The following IER3IP1 variants were observed in gnomAD, a reference collection of about 807,000 sequenced individuals.
The protein encoded by IER3IP1 is immediate early response 3 interacting protein 1, also known as immediate early response 3-interacting protein 1.
IER3IP1 carries 16 observed loss-of-function variants against 12.2 expected under a neutral mutation model. That is an observed-to-expected ratio of 1.31 (90% CI 0.89 to 1.99). The LOEUF (loss-of-function observed/expected upper bound fraction) is 1.99. Ranked by LOEUF, IER3IP1 falls within the 30% of genes most tolerant of loss-of-function variation. The pLI is 0.00. For synonymous variants in IER3IP1, 42 were observed against 40.0 expected, an observed-to-expected ratio of 1.05 and a Z score of -0.19; for missense variants, 95 against 95.8, an observed-to-expected ratio of 0.99 and a Z score of 0.03.
At chr18:47,164,063 T>G (rs1357484545) in intron 1 of IER3IP1, among the ~76,000 whole-genome samples, 1 of 152,164 alleles carries the variant, frequency 6.6e-6, no homozygotes, top group Non-Finnish European at 1.5e-5. Flanking sequence ...CAGCAATCTT[T>G]TTTTCTTTTA....
At chr18:47,164,493 G>C (rs116859314) in intron 1 of IER3IP1, among the ~76,000 whole-genome samples, 1 of 144,616 alleles carries the variant, frequency 6.9e-6, no homozygotes, top group East Asian at 2.0e-4. Flanking sequence ...GCTGTTTTTC[G>C]TTTTTTTTTT....
At chr18:47,171,894 G>A (rs996165442) in intron 1 of IER3IP1, among the ~76,000 whole-genome samples, 3 of 151,970 alleles carry the variant, frequency 2.0e-5, no homozygotes, top group Non-Finnish European at 4.4e-5. Context: ...CTGGGTTCAA[G>A]CCATTCTCCT....
chr18:47,174,668 C>CAAAA (rs1293825170), intron 1 of IER3IP1, among the ~76,000 whole-genome samples: 2 of 128,650 alleles, frequency 1.6e-5, no homozygotes, highest in Admixed American at 7.9e-5. Context: ...GACTCCGTCT[C>CAAAA]AAAAAAAAAA....
At chr18:47,168,301 CAAAAA>C (rs35347851) in intron 1 of IER3IP1, among the ~76,000 whole-genome samples, 44 of 107,138 alleles carry the variant, frequency 4.1e-4, no homozygotes, top group Non-Finnish European at 4.6e-4. Flanking sequence ...GACTCCATCA[CAAAAA>C]AAAAAAAAAA....
intron 1 of IER3IP1, among the ~76,000 whole-genome samples, chr18:47,173,980 C>T (rs751743773): frequency 6.6e-6 from 1 of 152,140 alleles, no homozygotes; most frequent in Non-Finnish European, 1.5e-5. Flanking sequence ...GCTCTAAAGC[C>T]CTCAATCTAA....
At chr18:47,160,518 C>G (rs1037797253) in intron 1 of IER3IP1, among the ~76,000 whole-genome samples, 3 of 152,214 alleles carry the variant, frequency 2.0e-5, no homozygotes, top group Admixed American at 2.0e-4. Context: ...ACTGCAGCAT[C>G]TGGTAGCCAA....
intron 1 of IER3IP1, among the ~76,000 whole-genome samples, chr18:47,174,963 T>G (rs1300672861): frequency 6.6e-6 from 1 of 152,236 alleles, no homozygotes; most frequent in Non-Finnish European, 1.5e-5. Context: ...AGTTAGTATC[T>G]GCCCGTACTT....
In IER3IP1 at chr18:47,164,848, G is replaced by A. The variant is rs116410667; in HGVS notation, c.92-7311C>T. On this transcript the variant is annotated intron_variant, in intron 1 of 2. Transcript: ENST00000256433. The stretch of plus-strand genomic sequence containing the variant: ...CTTTCTTGTCACTTCCACAGCTAGA[G>A]GGCCTGGCAGAGAATAAATGATAAG... 3.2e-3 allele frequency among the ~76,000 whole-genome samples: 484 copies of A among 151,892 alleles called. 7 individuals carry two copies. Among genetic ancestry groups the A allele is most frequent in the East Asian group, 0.026 (132 of 5,170 alleles).
At chr18:47,157,277 A>AG (rs1437218695) in intron 2 of IER3IP1, 159 bp downstream of exon 2, 2 of 644,236 alleles carry the variant, frequency 3.1e-6, no homozygotes, top group African/African-American at 3.7e-5. Flanking sequence ...AACTAAGAAA[A>AG]AAAAAAAAAA....
rs1416956870 is a variant in IER3IP1, at chr18:47,153,682, A to G, written c.*2495T>C. On this transcript the variant is annotated 3_prime_UTR_variant, in exon 3 of 3. Coordinates refer to ENST00000256433, the MANE Select transcript of IER3IP1 (RefSeq NM_016097.5). ...TTCCTACATTAGTTTGTTAAGGATG[A>G]TGGCTTCCAGCTCCATCCATGTTCC... 1.3e-5 allele frequency: 2 copies of G among 152,150 alleles called. No homozygotes were observed. Among genetic ancestry groups the G allele is most frequent in the Non-Finnish European group, 2.9e-5 (2 of 68,028 alleles). The allele number at this position is 152,150 out of a possible 1,614,324, so 9.4% of individuals were successfully genotyped here. A position where few individuals can be genotyped will look rare whatever the true frequency, so the allele number is the denominator to read the frequency against.
In IER3IP1 at chr18:47,172,002, G is replaced by C. The variant is rs55840418; in HGVS notation, c.91+4185C>G. On this transcript the variant is annotated intron_variant, in intron 1 of 2. Coordinates refer to ENST00000256433, the MANE Select transcript of IER3IP1 (RefSeq NM_016097.5). This position sits in a 1 kb window ranked among gnomAD's most constrained non-coding sequence, Gnocchi z 4.0. The stretch of plus-strand genomic sequence containing the variant: ...TCTCCACGTTGGCCAGGCTGGTCTC[G>C]AACTCCTGACCTCAAGTGATCCGCC... 0.012 allele frequency among the ~76,000 whole-genome samples: 1,833 copies of C among 150,974 alleles called. 21 individuals carry two copies. The highest frequency in any genetic ancestry group is 0.019 in the Non-Finnish European group (1,290 of 67,044).
intron 1 of IER3IP1, among the ~76,000 whole-genome samples, chr18:47,167,650 G>A (rs376171681): frequency 6.6e-6 from 1 of 152,020 alleles, no homozygotes; most frequent in Admixed American, 6.6e-5. Flanking sequence ...AGATGGAATG[G>A]AATTACAGTA....
At chr18:47,161,437 T>C (rs1359423858) in intron 1 of IER3IP1, among the ~76,000 whole-genome samples, 1 of 152,212 alleles carries the variant, frequency 6.6e-6, no homozygotes, top group Non-Finnish European at 1.5e-5. Context: ...TCGCAGCCTT[T>C]GCTATCTCTT....
At chr18:47,168,301 C>CAAAAAAAAAAAAAAA (rs35347851) in intron 1 of IER3IP1, among the ~76,000 whole-genome samples, 4 of 107,140 alleles carry the variant, frequency 3.7e-5, no homozygotes, top group African/African-American at 7.6e-5. Context: ...GACTCCATCA[C>CAAAAAAAAAAAAAAA]AAAAAAAAAA....
intron 1 of IER3IP1, among the ~76,000 whole-genome samples, chr18:47,165,468 G>A (rs1599998146): frequency 4.6e-5 from 7 of 150,778 alleles, no homozygotes; most frequent in Middle Eastern, 3.4e-3. Context: ...CATGAGAATC[G>A]CTTGAACCCA....
In IER3IP1 at chr18:47,154,459, G is replaced by C. The variant is rs78989818; in HGVS notation, c.*1718C>G. 1 of 152,218 alleles carries C rather than the reference G, an allele frequency of 6.6e-6. No homozygotes were observed. Among genetic ancestry groups the C allele is most frequent in the South Asian group, 2.1e-4 (1 of 4,828 alleles). 9.4% of individuals were successfully genotyped at this position (152,218 alleles called of 1,614,324 possible). Reference sequence around the variant, plus strand: ...GGACAAAATCCCAACACTGAATTAAGATGAAGGTATGCTGTAATGTCTTAT... The same window carrying C: ...GGACAAAATCCCAACACTGAATTAACATGAAGGTATGCTGTAATGTCTTAT... On this transcript the variant is annotated 3_prime_UTR_variant, in exon 3 of 3. Coordinates refer to ENST00000256433, the MANE Select transcript of IER3IP1 (RefSeq NM_016097.5).
chr18:47,160,083 TACTC>T (rs1210197688), intron 1 of IER3IP1, among the ~76,000 whole-genome samples: 1 of 152,016 alleles, frequency 6.6e-6, no homozygotes, highest in Non-Finnish European at 1.5e-5. Flanking sequence ...TAATCCCAGA[TACTC>T]AGGAGGCCGA....
chr18:47,159,584 T>C (rs1321838281), intron 1 of IER3IP1, among the ~76,000 whole-genome samples: 1 of 152,040 alleles, frequency 6.6e-6, no homozygotes, highest in Admixed American at 6.6e-5. Context: ...TAAAAAATCA[T>C]GCTGACAATT....
At chr18:47,173,711 T>C (rs1258480003) in intron 1 of IER3IP1, among the ~76,000 whole-genome samples, 1 of 152,206 alleles carries the variant, frequency 6.6e-6, no homozygotes, top group Admixed American at 6.5e-5. Context: ...ACTGGGTGGC[T>C]TAACAGAAAT....
Sources: allele counts gnomAD v4.1 joint callset (sites outside exome capture counted in the v4.1 genomes callset), GRCh38; gene constraint gnomAD v4.1.1; non-coding constraint Gnocchi (gnomAD v3.1); transcripts MANE v1.5; gene names NCBI Gene and HGNC (gene_info 2026-07-23, HGNC 2026-07-21).